FAM193B: variants seen among roughly 807,000 people sequenced by gnomAD.
The protein encoded by FAM193B is family with sequence similarity 193 member B, also known as protein FAM193B.
A neutral mutation model predicts 70.7 loss-of-function variants in FAM193B; 27 were observed. The observed-to-expected ratio is 0.38, with a 90% CI of 0.28 to 0.53. The LOEUF is 0.53. FAM193B is among the 20% of genes least tolerant of loss of function. FAM193B has a pLI of 0.81. For synonymous variants in FAM193B, 448 were observed against 436.0 expected (o/e 1.03, Z -0.34); for missense variants, 1,022 against 1,072.5 (o/e 0.95, Z 0.66).
chr5:177,536,808 C>T (rs553350008), intron 3 of FAM193B, 63 bp from the exon 4 acceptor site: 10 of 1,523,802 alleles, frequency 6.6e-6, no homozygotes, highest in African/African-American at 1.4e-5. Flanking sequence ...GGAAAGCCCA[C>T]AGGCTCACTG....
chr5:177,553,790 G>A (rs1766639316), intron 1 of FAM193B: 3 of 1,287,132 alleles, frequency 2.3e-6, no homozygotes, highest in Non-Finnish European at 3.0e-6. Context: ...TGAGGGGGCC[G>A]CGGCTGCAGG....
intron 1 of FAM193B, among the ~76,000 whole-genome samples, chr5:177,544,868 A>C (rs932615174): frequency 6.6e-6 from 1 of 152,238 alleles, no homozygotes; most frequent in Non-Finnish European, 1.5e-5. Context: ...TGGAAAGGCT[A>C]CTGAAACATT....
intron 1 of FAM193B, among the ~76,000 whole-genome samples, chr5:177,548,729 A>G (rs2127490272): frequency 6.6e-6 from 1 of 152,338 alleles, no homozygotes; most frequent in Admixed American, 6.5e-5. Context: ...GGTGGAATCA[A>G]GCAATCACAG....
At chr5:177,533,256 T>C (rs1213117937) in intron 4 of FAM193B, among the ~76,000 whole-genome samples, 1 of 151,648 alleles carries the variant, frequency 6.6e-6, no homozygotes, top group Non-Finnish European at 1.5e-5. Context: ...AAGTGACTTC[T>C]GGGACACCAA....
At chr5:177,533,414 C>G (rs1171236530) in intron 4 of FAM193B, among the ~76,000 whole-genome samples, 1 of 151,872 alleles carries the variant, frequency 6.6e-6, no homozygotes, top group Non-Finnish European at 1.5e-5. Flanking sequence ...ACGCCATTCT[C>G]CTGCCTCAGC....
intron 7 of FAM193B, chr5:177,523,146 C>T (rs928925750): frequency 3.6e-5 from 11 of 306,056 alleles, no homozygotes; most frequent in African/African-American, 1.4e-4. Flanking sequence ...ATTATAAGCA[C>T]GTGCCACCAT....
chr5:177,523,741 C>G (rs1184378786), intron 7 of FAM193B, among the ~76,000 whole-genome samples: 1 of 152,282 alleles, frequency 6.6e-6, no homozygotes, highest in Non-Finnish European at 1.5e-5. Flanking sequence ...CTCCTCCTAT[C>G]TCTTGCACCT....
chr5:177,536,531 G>T lies in FAM193B; in HGVS notation c.903C>A (p.Pro301=). The change falls in exon 4 of 9, where the codon CCC becomes CCA. Residue 301 remains proline, a synonymous_variant. Coordinates refer to ENST00000514747, the MANE Select transcript of FAM193B (RefSeq NM_001190946.3). The part of the protein sequence containing the change: ...SECPVAAATA[P]HTPGPCQSSH... ...AGCTCTGACATGGCCCTGGAGTGTGGGGGGCAGTGGCAGCAGCAACAGGGC... is the reference window on the plus strand; with the variant it reads ...AGCTCTGACATGGCCCTGGAGTGTGTGGGGCAGTGGCAGCAGCAACAGGGC... 1 of 1,541,810 alleles carries T rather than the reference G, an allele frequency of 6.5e-7. No individual in the cohort carries two copies. The highest frequency in any genetic ancestry group is 1.4e-5 in the African/African-American group (1 of 71,574).
At chr5:177,536,182 G>C (rs1337764406) in intron 4 of FAM193B, 176 bp downstream of exon 4, 2 of 686,762 alleles carry the variant, frequency 2.9e-6, no homozygotes, top group Admixed American at 3.1e-5. Flanking sequence ...CAAAGCGCTA[G>C]GAGTATAGGT....
At chr5:177,530,219 G>A (rs1362706153) in intron 5 of FAM193B, among the ~76,000 whole-genome samples, 1 of 152,188 alleles carries the variant, frequency 6.6e-6, no homozygotes, top group African/African-American at 2.4e-5. Context: ...CCTCAGTCCC[G>A]AGGCCTGGTT....
chr5:177,538,822 A>G lies in FAM193B; in HGVS notation c.453+83T>C. On this transcript the variant is annotated intron_variant, in intron 2 of 8. Coordinates refer to ENST00000514747, the MANE Select transcript of FAM193B (RefSeq NM_001190946.3). The surrounding 1 kb of genome is among the most constrained non-coding windows in gnomAD (Gnocchi z 4.1). ...CTGGGCATGGGAGCTGCCCAAGGAG[A>G]GCCACCTGAGGACAGGGAACAGCCT... is the stretch of plus-strand genomic sequence containing the variant. The G allele has an allele frequency of 6.4e-7, 1 of 1,560,676 alleles. No homozygotes were observed. The highest frequency in any genetic ancestry group is 8.7e-7 in the Non-Finnish European group (1 of 1,146,238).
chr5:177,549,923 T>G (rs951029277), intron 1 of FAM193B, among the ~76,000 whole-genome samples: 4 of 152,162 alleles, frequency 2.6e-5, no homozygotes, highest in Non-Finnish European at 5.9e-5. Context: ...CACAATATAT[T>G]TCCCCCCAAA....
At chr5:177,527,324 C>T (rs1215654736) in intron 5 of FAM193B, among the ~76,000 whole-genome samples, 1 of 152,130 alleles carries the variant, frequency 6.6e-6, no homozygotes, top group African/African-American at 2.4e-5. Context: ...AGGGGCTGAT[C>T]GTGAAGGGCC....
chr5:177,536,311 C>A, intron 4 of FAM193B, 47 bp downstream of exon 4: 1 of 1,586,708 alleles, frequency 6.3e-7, no homozygotes, highest in Non-Finnish European at 8.5e-7. Context: ...TTCCAAAATT[C>A]TAAGTTCAAG....
Position 177,525,117 on chromosome 5 carries a change from C to A in FAM193B, c.1364G>T (p.Arg455Met). 6.4e-7 allele frequency: 1 copy of A among 1,569,348 alleles called. No individual in the cohort carries two copies. Among genetic ancestry groups the A allele is most frequent in the Non-Finnish European group, 8.6e-7 (1 of 1,160,022 alleles). ...TTCCCGGTCGGGCCACTCCAAGAGC[C>A]TCTCCCTGGCAGGCCTTGGCTCCCG... ...GSREPRPARERLLEWPDRELD... is the reference protein window; with the variant it reads ...GSREPRPAREMLLEWPDRELD... Residue 455 changes from arginine (R) to methionine (M), a missense_variant, in exon 6 of 9, where the codon AGG becomes ATG. Arg to Met is a moderately conservative substitution (Grantham distance 91, BLOSUM62 -1). Coordinates refer to ENST00000514747, the MANE Select transcript of FAM193B (RefSeq NM_001190946.3).
At chr5:177,531,106 T>C (rs114093664) in intron 5 of FAM193B, among the ~76,000 whole-genome samples, 168 of 152,294 alleles carry the variant, frequency 1.1e-3, no homozygotes, top group African/African-American at 3.8e-3. Context: ...CTCCAGTTAT[T>C]TGCCCCCAGG....
At chr5:177,553,725 T>C in intron 1 of FAM193B, 1 of 1,287,904 alleles carries the variant, frequency 7.8e-7, no homozygotes, top group Non-Finnish European at 1.0e-6. Context: ...AGCCTGGCTG[T>C]CTGCTCCAAC....
At chr5:177,523,837 C>T in intron 7 of FAM193B, 120 bp downstream of exon 7, 4 of 1,154,552 alleles carry the variant, frequency 3.5e-6, no homozygotes, top group Non-Finnish European at 5.0e-6. Flanking sequence ...CGGTGAGCCT[C>T]CCCAAGGGGT....
intron 8 of FAM193B, 95 bp from the exon 9 acceptor site, chr5:177,520,276 A>T: frequency 6.6e-6 from 1 of 152,264 alleles, no homozygotes; most frequent in East Asian, 1.9e-4. Flanking sequence ...CTGGTAGCAG[A>T]AACAGCTGGC....
Sources: allele counts gnomAD v4.1 joint callset (sites outside exome capture counted in the v4.1 genomes callset), GRCh38; gene constraint gnomAD v4.1.1; non-coding constraint Gnocchi (gnomAD v3.1); transcripts MANE v1.5; gene names NCBI Gene and HGNC (gene_info 2026-07-23, HGNC 2026-07-21).